The following CDH12 variants were observed in gnomAD, a reference collection of about 807,000 sequenced individuals.
CDH12 encodes cadherin-12.
CDH12 carries 41 observed loss-of-function variants against 74.1 expected under a neutral mutation model. That is an observed-to-expected ratio of 0.55 (90% confidence interval 0.43 to 0.72). CDH12 has a LOEUF of 0.72. Among genes scored for constraint, CDH12 ranks in the 30% least tolerant of loss-of-function variants. The pLI is 0.00. For synonymous variants in CDH12, 399 were observed against 355.0 expected (o/e 1.12, Z -1.39); for missense variants, 945 against 977.2 (o/e 0.97, Z 0.44).
chr5:22,712,220 A>G (rs1743325579), intron 1 of CDH12, among the ~76,000 whole-genome samples: 1 of 152,014 alleles, frequency 6.6e-6, no homozygotes, highest in African/African-American at 2.4e-5. Context: ...ATGGGTAAAA[A>G]TGACATTTGA....
chr5:22,189,401 A>T (rs1750137004), intron 4 of CDH12, among the ~76,000 whole-genome samples: 1 of 152,176 alleles, frequency 6.6e-6, no homozygotes, highest in Admixed American at 6.5e-5. Context: ...CAATAACATT[A>T]TTAAGAGAAT....
intron 6 of CDH12, among the ~76,000 whole-genome samples, chr5:21,965,035 T>C (rs1301378876): frequency 1.3e-5 from 2 of 152,054 alleles, no homozygotes; most frequent in Non-Finnish European, 2.9e-5. Flanking sequence ...AATAGAAATA[T>C]AAACATACTC....
At chr5:21,777,047 C>A (rs998539061) in intron 11 of CDH12, among the ~76,000 whole-genome samples, 3 of 152,048 alleles carry the variant, frequency 2.0e-5, no homozygotes, top group African/African-American at 4.8e-5. Flanking sequence ...ATTATATCAA[C>A]TAAGTGTGCT....
chr5:21,911,047 C>A (rs1420015528), intron 6 of CDH12, among the ~76,000 whole-genome samples: 5 of 152,136 alleles, frequency 3.3e-5, no homozygotes, highest in Admixed American at 6.6e-5. Context: ...AATTATTTTG[C>A]AAAGTTAATT....
intron 4 of CDH12, among the ~76,000 whole-genome samples, chr5:22,117,509 TATAATATATATATAA>T (rs1561129201): frequency 1.9e-5 from 1 of 51,424 alleles, no homozygotes; most frequent in Admixed American, 2.9e-4. Flanking sequence ...ATAATATATA[TATAATATATATATAA>T]TATATATATA....
At chr5:22,243,807 C>G (rs998650973) in intron 3 of CDH12, among the ~76,000 whole-genome samples, 1 of 152,156 alleles carries the variant, frequency 6.6e-6, no homozygotes, top group Non-Finnish European at 1.5e-5. Context: ...GCCTCAGAGT[C>G]TCAGTGTCCT....
intron 3 of CDH12, among the ~76,000 whole-genome samples, chr5:22,262,242 A>G (rs569636321): frequency 2.0e-5 from 3 of 149,174 alleles, no homozygotes; most frequent in African/African-American, 2.5e-5. Context: ...AGCATTAGGT[A>G]TATCTCCCAA....
intron 1 of CDH12, among the ~76,000 whole-genome samples, chr5:22,591,255 T>C (rs1736300684): frequency 6.6e-6 from 1 of 152,186 alleles, no homozygotes; most frequent in African/African-American, 2.4e-5. Flanking sequence ...CCTCCTGCCA[T>C]GATATAAAAT....
chr5:22,045,937 C>A (rs1160833966), intron 5 of CDH12, among the ~76,000 whole-genome samples: 1 of 152,098 alleles, frequency 6.6e-6, no homozygotes, highest in African/African-American at 2.4e-5. Flanking sequence ...TAGAAGAAAG[C>A]ATTCAGATTT....
chr5:21,793,768 T>A (rs569077771), intron 10 of CDH12, among the ~76,000 whole-genome samples: 3 of 151,772 alleles, frequency 2.0e-5, no homozygotes, highest in Non-Finnish European at 4.4e-5. Flanking sequence ...TAATTTGCGC[T>A]CTGAAAGTTA....
chr5:22,338,176 A>C (rs1580537973), intron 3 of CDH12, among the ~76,000 whole-genome samples: 1 of 152,220 alleles, frequency 6.6e-6, no homozygotes, highest in African/African-American at 2.4e-5. Flanking sequence ...CTAAGTGTCC[A>C]TCTACAGATG....
At chr5:22,608,305 G>A (rs933413252) in intron 1 of CDH12, among the ~76,000 whole-genome samples, 1 of 152,164 alleles carries the variant, frequency 6.6e-6, no homozygotes, top group African/African-American at 2.4e-5. Flanking sequence ...AGATTATTTT[G>A]TAACTTTAAT....
intron 10 of CDH12, among the ~76,000 whole-genome samples, chr5:21,789,994 G>A (rs982072847): frequency 3.3e-5 from 5 of 151,940 alleles, no homozygotes; most frequent in African/African-American, 1.2e-4. Flanking sequence ...TCTACATCAA[G>A]GGAACATATT....
At position 22,651,911 on chromosome 5, in the gene CDH12, G is replaced by A. The variant is rs1033593375; in HGVS notation, c.-522-146547C>T. Among the ~76,000 whole-genome samples the A allele has an allele frequency of 3.9e-5, 6 of 151,954 alleles. No homozygotes were observed. In the East Asian group the frequency reaches 5.8e-4, roughly 15 times the overall value. ...TCAAGTTCTAAGTTCCAAGTTCTAG[G>A]GAATCACAGGAAAACCCCCCTCGGA... On this transcript the variant is annotated intron_variant, in intron 1 of 14. Transcript: ENST00000382254.
At chr5:21,872,897 C>CTATCTATCTATCTATCTATA (rs1235304722) in intron 6 of CDH12, among the ~76,000 whole-genome samples, 1 of 151,212 alleles carries the variant, frequency 6.6e-6, no homozygotes, top group Non-Finnish European at 1.5e-5. Context: ...TATCATCCAT[C>CTATCTATCTATCTATCTATA]TATCTATCTA....
intron 3 of CDH12, among the ~76,000 whole-genome samples, chr5:22,404,425 C>G (rs1204732219): frequency 6.6e-6 from 1 of 152,106 alleles, no homozygotes; most frequent in African/African-American, 2.4e-5. Context: ...TAGTATTTAA[C>G]AGTTTATTTT....
chr5:22,668,250 G>A (rs987131845), intron 1 of CDH12, among the ~76,000 whole-genome samples: 3 of 152,082 alleles, frequency 2.0e-5, no homozygotes, highest in Admixed American at 2.0e-4. Context: ...AAGAAACAAT[G>A]TCCACTATTT....
intron 8 of CDH12, among the ~76,000 whole-genome samples, chr5:21,823,639 A>G (rs1215606379): frequency 3.3e-5 from 5 of 152,246 alleles, no homozygotes; most frequent in African/African-American, 1.2e-4. Context: ...TGCAAAGGTA[A>G]CTGACTACCA....
intron 8 of CDH12, among the ~76,000 whole-genome samples, chr5:21,833,088 A>ATAACATAT (rs1491547593): frequency 2.2e-5 from 1 of 44,574 alleles, no homozygotes; most frequent in Non-Finnish European, 4.1e-5. Context: ...ATTATATTAT[A>ATAACATAT]AATATATATT....
Sources: allele counts gnomAD v4.1 joint callset (sites outside exome capture counted in the v4.1 genomes callset), GRCh38; gene constraint gnomAD v4.1.1; transcripts MANE v1.5; gene names NCBI Gene and HGNC (gene_info 2026-07-23, HGNC 2026-07-21).